PARD3B: variants seen among roughly 807,000 people sequenced by gnomAD.
PARD3B encodes par-3 family cell polarity regulator beta.
Under a neutral mutation model 130.2 loss-of-function variants are expected in PARD3B, and 103 were observed. The ratio of observed to expected loss-of-function variants is 0.79; its 90% CI spans 0.67 to 0.93. The LOEUF is 0.93. PARD3B is among the 40% of genes least tolerant of loss of function. The probability of loss-of-function intolerance (pLI) is 0.00; values close to 1 mark genes in which losing one functional copy is unlikely to be tolerated. For missense variants in PARD3B, 1,609 were observed against 1,499.2 expected, an observed-to-expected ratio of 1.07 and a Z score of -1.21; for synonymous variants, 583 against 553.2, an observed-to-expected ratio of 1.05 and a Z score of -0.76.
chr2:205,136,551 A>G (rs1051391261), intron 10 of PARD3B, among the ~76,000 whole-genome samples: 6 of 152,164 alleles, frequency 3.9e-5, no homozygotes, highest in African/African-American at 1.4e-4. Flanking sequence ...TCTGCAGGTA[A>G]GTTACAGACT....
intron 3 of PARD3B, among the ~76,000 whole-genome samples, chr2:204,980,078 T>A (rs769885005): frequency 2.0e-5 from 3 of 152,284 alleles, no homozygotes; most frequent in Non-Finnish European, 4.4e-5. Context: ...CACATCTGTC[T>A]GACAAAGGAT....
rs548426102 is a variant in PARD3B at position 204,779,281 on chromosome 2, C to G, written c.222+92999C>G. On this transcript the variant is annotated intron_variant, in intron 2 of 22. Coordinates refer to ENST00000406610, the MANE Select transcript of PARD3B (RefSeq NM_001302769.2). Reference sequence around the variant, plus strand: ...GCTCCATGCGAACAGGGATTATGTTCTATATTTTAAAAATTGCCAAGTCCT... The same window carrying G: ...GCTCCATGCGAACAGGGATTATGTTGTATATTTTAAAAATTGCCAAGTCCT... Among the ~76,000 whole-genome samples, 3 of 152,138 alleles carry G rather than the reference C, an allele frequency of 2.0e-5. No individual in the cohort carries two copies. In the South Asian group the frequency reaches 6.2e-4, roughly 32 times the overall value.
At position 205,128,902 on chromosome 2, in the gene PARD3B, T is replaced by G. The variant is rs1204373631; in HGVS notation, c.1434+3165T>G. Among the ~76,000 whole-genome samples the G allele has an allele frequency of 6.6e-6, 1 of 152,162 alleles. No individual in the cohort carries two copies. Among genetic ancestry groups the G allele is most frequent in the African/African-American group, 2.4e-5 (1 of 41,442 alleles). The stretch of plus-strand genomic sequence containing the variant: ...CAGTCAAATTGATAAGGGAGGCAGC[T>G]GTATGTGTTATTTCACTCTCATTTA... On this transcript the variant is annotated intron_variant, in intron 10 of 22. Coordinates refer to ENST00000406610, the MANE Select transcript of PARD3B (RefSeq NM_001302769.2). The surrounding 1 kb of genome is among the most constrained non-coding windows in gnomAD (Gnocchi z 4.5).
chr2:205,612,631 G>A (rs2055275816), intron 22 of PARD3B, among the ~76,000 whole-genome samples: 1 of 152,110 alleles, frequency 6.6e-6, no homozygotes, highest in South Asian at 2.1e-4. Context: ...CAGTGTTTTA[G>A]TAGGCCAACT....
At chr2:204,772,198 A>G (rs1347705599) in intron 2 of PARD3B, among the ~76,000 whole-genome samples, 1 of 152,088 alleles carries the variant, frequency 6.6e-6, no homozygotes, top group Admixed American at 6.6e-5. Context: ...ATTTAACCAA[A>G]TGAGATGTTT....
intron 18 of PARD3B, among the ~76,000 whole-genome samples, chr2:205,315,180 G>A (rs938180946): frequency 6.6e-6 from 1 of 152,260 alleles, no homozygotes; most frequent in African/African-American, 2.4e-5. Context: ...TAACGTAGTA[G>A]CAAAGAGAGC....
chr2:205,404,955 T>A (rs1002772982), intron 19 of PARD3B, among the ~76,000 whole-genome samples: 2 of 152,244 alleles, frequency 1.3e-5, no homozygotes, highest in African/African-American at 4.8e-5. Flanking sequence ...TGATCTAACC[T>A]CAATTCTAAA....
chr2:205,300,476 T>TACACC lies in PARD3B; in HGVS notation c.2186-49_2186-45dup, dbSNP rs1294241214. 7.5e-6 allele frequency: 11 copies of TACACC among 1,466,790 alleles called. No homozygotes were observed. Among genetic ancestry groups the TACACC allele is most frequent in the Non-Finnish European group, 9.5e-6 (10 of 1,049,798 alleles). The allele number at this position is 1,466,790 out of a possible 1,614,324, so 90.9% of individuals were successfully genotyped here. On this transcript the variant is annotated intron_variant, in intron 16 of 22. Coordinates refer to ENST00000406610, the MANE Select transcript of PARD3B (RefSeq NM_001302769.2). The surrounding 1 kb of genome is among the most constrained non-coding windows in gnomAD (Gnocchi z 4.1). ...AGAAATATTCTTAGAACAATAGCAT[T>TACACC]ACACCACACTGCCCCATTAGAAGAG...
intron 16 of PARD3B, among the ~76,000 whole-genome samples, chr2:205,259,860 A>G (rs918032922): frequency 1.3e-5 from 2 of 152,200 alleles, no homozygotes; most frequent in African/African-American, 4.8e-5. Flanking sequence ...GAATATTTGC[A>G]TATACATAAT....
chr2:204,567,867 A>G (rs1168675368), intron 1 of PARD3B, among the ~76,000 whole-genome samples: 3 of 152,222 alleles, frequency 2.0e-5, no homozygotes, highest in Admixed American at 6.5e-5. Context: ...TATCTCTGCC[A>G]ACATTTATTT....
intron 2 of PARD3B, among the ~76,000 whole-genome samples, chr2:204,699,053 C>A (rs968783935): frequency 2.6e-4 from 39 of 152,058 alleles, no homozygotes; most frequent in African/African-American, 9.2e-4. Context: ...CCAGCTTCCC[C>A]TTAGCTGTGA....
intron 3 of PARD3B, among the ~76,000 whole-genome samples, chr2:204,974,487 TA>T (rs1230316975): frequency 1.3e-5 from 2 of 152,238 alleles, no homozygotes; most frequent in Admixed American, 6.5e-5. Context: ...TATATTTTTT[TA>T]TACTATTTGG....
intron 3 of PARD3B, among the ~76,000 whole-genome samples, chr2:205,006,285 G>A (rs939191641): frequency 1.3e-5 from 2 of 152,128 alleles, no homozygotes; most frequent in Non-Finnish European, 2.9e-5. Flanking sequence ...GTGTATATGT[G>A]CCTTTTTCAT....
chr2:205,475,583 C>G (rs1439400681), intron 20 of PARD3B, among the ~76,000 whole-genome samples: 1 of 152,152 alleles, frequency 6.6e-6, no homozygotes, highest in Non-Finnish European at 1.5e-5. Flanking sequence ...TTGCCAAGCA[C>G]TTAAGGCTGG....
chr2:205,316,229 T>A (rs190972539), intron 18 of PARD3B, among the ~76,000 whole-genome samples: 10 of 152,246 alleles, frequency 6.6e-5, no homozygotes, highest in Admixed American at 1.3e-4. Context: ...TATTTTTTTT[T>A]AATTTCTGCT....
chr2:205,080,343 A>G (rs1701327096), intron 4 of PARD3B, among the ~76,000 whole-genome samples: 1 of 151,906 alleles, frequency 6.6e-6, no homozygotes, highest in African/African-American at 2.4e-5. Context: ...GTTATGTATA[A>G]TTTTCACTTT....
intron 2 of PARD3B, among the ~76,000 whole-genome samples, chr2:204,708,429 A>G (rs2038283823): frequency 6.6e-6 from 1 of 152,252 alleles, no homozygotes; most frequent in Non-Finnish European, 1.5e-5. Context: ...ATTACAAATT[A>G]TAAACATAAA....
At chr2:205,611,348 G>A (rs1295579715) in intron 22 of PARD3B, among the ~76,000 whole-genome samples, 1 of 152,122 alleles carries the variant, frequency 6.6e-6, no homozygotes, top group African/African-American at 2.4e-5. Context: ...TTTCATCCTT[G>A]CGTAAACTGA....
intron 2 of PARD3B, among the ~76,000 whole-genome samples, chr2:204,702,978 T>C (rs1300212226): frequency 6.6e-6 from 1 of 152,232 alleles, no homozygotes; most frequent in Non-Finnish European, 1.5e-5. Flanking sequence ...AATTGGAATA[T>C]TCTTCATGAT....
Sources: gnomAD v4.1 joint callset for allele counts (sites outside exome capture counted in the v4.1 genomes callset) on GRCh38, gnomAD v4.1.1 for gene constraint, Gnocchi (gnomAD v3.1) non-coding constraint, MANE v1.5 for transcripts, NCBI Gene and HGNC (gene_info 2026-07-23, HGNC 2026-07-21) for gene names.